PCSK5: variants seen among roughly 807,000 people sequenced by gnomAD.
PCSK5 encodes prohormone convertase 5.
PCSK5 carries 129 observed loss-of-function variants against 233.2 expected under a neutral mutation model. That is an observed-to-expected ratio of 0.55 (90% CI 0.48 to 0.64). PCSK5 has a LOEUF of 0.64. Ranked by LOEUF, PCSK5 falls within the 30% of genes least tolerant of loss-of-function variation. The probability of loss-of-function intolerance (pLI) is 0.00; values close to 1 mark genes in which losing one functional copy is unlikely to be tolerated. For synonymous variants in PCSK5, 825 were observed against 879.2 expected, an observed-to-expected ratio of 0.94 and a Z score of 1.09; for missense variants, 2,076 against 2,430.1, an observed-to-expected ratio of 0.85 and a Z score of 3.06.
At chr9:76,049,039 G>A (rs1304302908) in intron 5 of PCSK5, among the ~76,000 whole-genome samples, 1 of 151,914 alleles carries the variant, frequency 6.6e-6, no homozygotes, top group Non-Finnish European at 1.5e-5. Flanking sequence ...ACCACAGACT[G>A]GAGGTCAAAT....
intron 36 of PCSK5, among the ~76,000 whole-genome samples, chr9:76,352,656 C>T (rs1257896520): frequency 6.6e-6 from 1 of 152,254 alleles, no homozygotes; most frequent in East Asian, 1.9e-4. Context: ...GTGTGAGCCA[C>T]TGCGCCCGGC....
At chr9:76,239,266 C>T in intron 23 of PCSK5, 101 bp downstream of exon 23, 3 of 954,794 alleles carry the variant, frequency 3.1e-6, no homozygotes, top group Admixed American at 4.2e-5. Flanking sequence ...GCTTGCATGT[C>T]AGCACTTGGG....
chr9:76,074,304 T>C (rs1194737226), intron 7 of PCSK5, among the ~76,000 whole-genome samples: 2 of 152,184 alleles, frequency 1.3e-5, no homozygotes, highest in Non-Finnish European at 2.9e-5. Flanking sequence ...AGTATAGAGA[T>C]ACCATAATTA....
chr9:76,053,232 G>A (rs73454504), intron 5 of PCSK5, among the ~76,000 whole-genome samples: 2 of 152,086 alleles, frequency 1.3e-5, no homozygotes, highest in Admixed American at 6.6e-5. Flanking sequence ...ACACTCTTTT[G>A]GGGGGGCTCC....
At chr9:76,156,981 T>C (rs1202386684) in intron 10 of PCSK5, 64 bp from the exon 11 acceptor site, 2 of 1,105,908 alleles carry the variant, frequency 1.8e-6, no homozygotes, top group Non-Finnish European at 2.8e-6. Context: ...GGGTCTCTAC[T>C]GAGTGACGTT....
intron 8 of PCSK5, among the ~76,000 whole-genome samples, chr9:76,096,644 C>T (rs1831528364): frequency 6.6e-6 from 1 of 151,236 alleles, no homozygotes; most frequent in Non-Finnish European, 1.5e-5. Context: ...AACTGTTGCC[C>T]AGGCTGGAGG....
At chr9:76,119,900 A>G (rs1344826464) in intron 9 of PCSK5, among the ~76,000 whole-genome samples, 2 of 151,804 alleles carry the variant, frequency 1.3e-5, no homozygotes, top group East Asian at 1.9e-4. Context: ...CTTTCTAACT[A>G]TTATTTTTGA....
chr9:75,902,404 T>C (rs1322808109), intron 1 of PCSK5, among the ~76,000 whole-genome samples: 1 of 151,974 alleles, frequency 6.6e-6, no homozygotes, highest in East Asian at 1.9e-4. Context: ...AAAATAGGAC[T>C]ACTGGACCAA....
At chr9:76,026,338 A>G (rs1052292072) in intron 4 of PCSK5, among the ~76,000 whole-genome samples, 1 of 152,158 alleles carries the variant, frequency 6.6e-6, no homozygotes, top group East Asian at 1.9e-4. Flanking sequence ...CCAAAAGCCA[A>G]TGGTTATTAG....
intron 16 of PCSK5, among the ~76,000 whole-genome samples, chr9:76,182,192 T>C (rs1229841459): frequency 6.6e-6 from 1 of 152,214 alleles, no homozygotes; most frequent in Admixed American, 6.5e-5. Context: ...GTGCCAGCCA[T>C]GGGCCAACCT....
At chr9:75,995,779 ACACT>A (rs1337539988) in intron 3 of PCSK5, among the ~76,000 whole-genome samples, 7 of 148,824 alleles carry the variant, frequency 4.7e-5, no homozygotes, top group African/African-American at 1.7e-4. Flanking sequence ...ACACACACAC[ACACT>A]CACACCTCTC....
At chr9:75,980,958 T>G (rs1257697489) in intron 2 of PCSK5, among the ~76,000 whole-genome samples, 1 of 152,228 alleles carries the variant, frequency 6.6e-6, no homozygotes, top group East Asian at 1.9e-4. Flanking sequence ...ATGCTCTATT[T>G]TGTTTTCAAA....
At chr9:76,228,874 G>C (rs1417705042) in intron 21 of PCSK5, among the ~76,000 whole-genome samples, 1 of 152,162 alleles carries the variant, frequency 6.6e-6, no homozygotes, top group South Asian at 2.1e-4. Flanking sequence ...GGGTGCTGTG[G>C]TGTGTTTTTT....
intron 5 of PCSK5, among the ~76,000 whole-genome samples, chr9:76,062,932 A>G (rs1049702750): frequency 3.3e-5 from 5 of 152,090 alleles, no homozygotes; most frequent in Non-Finnish European, 5.9e-5. Context: ...CCTATTACCC[A>G]ATGCCTCCTC....
At chr9:75,957,206 C>A (rs1825132947) in intron 2 of PCSK5, among the ~76,000 whole-genome samples, 1 of 152,126 alleles carries the variant, frequency 6.6e-6, no homozygotes, top group Admixed American at 6.5e-5. Flanking sequence ...AGTATTGCGT[C>A]TTTTTGTTAA....
chr9:76,214,891 G>T (rs1825466427), intron 20 of PCSK5, among the ~76,000 whole-genome samples: 1 of 152,044 alleles, frequency 6.6e-6, no homozygotes, highest in South Asian at 2.1e-4. Context: ...CCTTATCTTT[G>T]ACCCAATGCC....
chr9:76,261,602 C>T (rs1827176876), intron 24 of PCSK5, among the ~76,000 whole-genome samples: 1 of 152,180 alleles, frequency 6.6e-6, no homozygotes, highest in East Asian at 1.9e-4. Context: ...AACTACAAAA[C>T]GCTGTCAAAA....
chr9:76,227,736 C>T, intron 21 of PCSK5, 131 bp downstream of exon 21: 1 of 649,266 alleles, frequency 1.5e-6, no homozygotes, highest in Non-Finnish European at 2.7e-6. Context: ...TCCCACTCCA[C>T]AGATATTCTC....
chr9:75,960,790 C>A (rs1478498853), intron 2 of PCSK5, among the ~76,000 whole-genome samples: 1 of 152,084 alleles, frequency 6.6e-6, no homozygotes. Context: ...AGAGGCTCTG[C>A]CATAAATTAT....
Sources: allele counts gnomAD v4.1 joint callset (sites outside exome capture counted in the v4.1 genomes callset), GRCh38; gene constraint gnomAD v4.1.1; transcripts MANE v1.5; gene names NCBI Gene and HGNC (gene_info 2026-07-23, HGNC 2026-07-21).